TRIM24: variants seen among roughly 807,000 people sequenced by gnomAD.
TRIM24 encodes the protein tripartite motif containing 24.
In TRIM24, 29 loss-of-function variants were observed where a neutral mutation model predicts 123.9. The observed-to-expected ratio is 0.23, with a 90% CI of 0.17 to 0.32. The LOEUF is 0.32. Among genes scored for constraint, TRIM24 ranks in the 10% least tolerant of loss-of-function variants. The probability of loss-of-function intolerance (pLI) is 1.00; values close to 1 mark genes in which losing one functional copy is unlikely to be tolerated. For missense variants in TRIM24, 932 were observed against 1,295.3 expected (o/e 0.72, Z 4.31); for synonymous variants, 456 against 461.1 (o/e 0.99, Z 0.14).
chr7:138,577,383 T>G (rs1232201626), intron 13 of TRIM24, 37 bp from the exon 14 acceptor site: 5 of 1,464,258 alleles, frequency 3.4e-6, no homozygotes, highest in Non-Finnish European at 4.5e-6. Context: ...TAGCTTAACA[T>G]TCTTAGATTG....
intron 2 of TRIM24, among the ~76,000 whole-genome samples, chr7:138,508,688 TGTGTGCGCGCGC>T (rs1358519930): frequency 8.5e-4 from 78 of 91,638 alleles, no homozygotes; most frequent in Admixed American, 7.2e-3. Flanking sequence ...TGTGTGTGTG[TGTGTGCGCGCGC>T]GTGTGTGCGT....
chr7:138,469,864 A>G (rs1795232272), intron 1 of TRIM24, among the ~76,000 whole-genome samples: 1 of 152,162 alleles, frequency 6.6e-6, no homozygotes, highest in Non-Finnish European at 1.5e-5. Context: ...ATCCTGAGAG[A>G]AGGGATTAAG....
chr7:138,532,399 G>A lies in TRIM24; in HGVS notation c.996+3169G>A, dbSNP rs191518551. 9.2e-5 allele frequency among the ~76,000 whole-genome samples: 14 copies of A among 152,274 alleles called. No homozygotes were observed. In the East Asian group the frequency reaches 2.3e-3, roughly 25 times the overall value. ...TCTTGAATTAATTTTTGTATCAGGT[G>A]TAAGGAAGGGATCCAGTTTCAGCTT... On this transcript the variant is annotated intron_variant, in intron 6 of 18. Coordinates refer to ENST00000343526, the MANE Select transcript of TRIM24 (RefSeq NM_015905.3).
chr7:138,569,369 CT>C (rs71728333), intron 10 of TRIM24, among the ~76,000 whole-genome samples: 2,714 of 152,166 alleles, frequency 0.018, 71 homozygotes, highest in African/African-American at 0.061. Flanking sequence ...TGGGAAATTG[CT>C]TTTAAGTAGT....
intron 1 of TRIM24, among the ~76,000 whole-genome samples, chr7:138,489,681 C>A (rs1360472586): frequency 6.6e-6 from 1 of 152,192 alleles, no homozygotes; most frequent in Non-Finnish European, 1.5e-5. Context: ...TTGGCCCTCA[C>A]TCTCTTGGCT....
At chr7:138,465,140 T>G (rs996421124) in intron 1 of TRIM24, among the ~76,000 whole-genome samples, 2 of 152,344 alleles carry the variant, frequency 1.3e-5, no homozygotes, top group East Asian at 3.9e-4. Context: ...CAGATACAAT[T>G]ACACTGGCCA....
intron 7 of TRIM24, among the ~76,000 whole-genome samples, chr7:138,541,252 C>T (rs1035887284): frequency 6.6e-6 from 1 of 151,884 alleles, no homozygotes; most frequent in Non-Finnish European, 1.5e-5. Flanking sequence ...AGTTCGAGAC[C>T]ACCCTGCGCC....
chr7:138,462,337 TC>T (rs143922989), intron 1 of TRIM24, among the ~76,000 whole-genome samples: 6 of 146,704 alleles, frequency 4.1e-5, no homozygotes, highest in Non-Finnish European at 9.1e-5. Flanking sequence ...AGTGCAAAAA[TC>T]TTTTTTTTTT....
At chr7:138,581,839 T>C (rs1158441707) in intron 17 of TRIM24, 68 bp downstream of exon 17, 1 of 1,196,884 alleles carries the variant, frequency 8.4e-7, no homozygotes, top group Admixed American at 2.0e-5. Context: ...TATGAGAATC[T>C]AGCTTATATT....
In TRIM24 at chr7:138,544,267, C is replaced by T. The variant is rs572453583; in HGVS notation, c.1143+5464C>T. On this transcript the variant is annotated intron_variant, in intron 7 of 18. Transcript: ENST00000343526. ...TATTCCATGTATAAGTGAGATTATA[C>T]AGTATTTTCATTTCTGGATCTGGCT... 2.6e-5 allele frequency among the ~76,000 whole-genome samples: 4 copies of T among 152,274 alleles called. No individual in the cohort carries two copies. In the East Asian group the frequency reaches 7.7e-4, roughly 29 times the overall value.
At chr7:138,531,141 A>G (rs555436047) in intron 6 of TRIM24, among the ~76,000 whole-genome samples, 1 of 150,974 alleles carries the variant, frequency 6.6e-6, no homozygotes, top group African/African-American at 2.5e-5. Flanking sequence ...TATTATTATT[A>G]TACTTTAAGT....
At chr7:138,463,360 G>T (rs1042402615) in intron 1 of TRIM24, among the ~76,000 whole-genome samples, 2 of 151,898 alleles carry the variant, frequency 1.3e-5, no homozygotes, top group African/African-American at 4.8e-5. Context: ...TGGTTCAAGC[G>T]ATTCTTGTGC....
rs1554429651 is a variant in TRIM24 at position 138,463,989 on chromosome 7, C to CATTTTT, written c.364+3077_364+3078insATTTTT. On this transcript the variant is annotated intron_variant, in intron 1 of 18. Coordinates refer to ENST00000343526, the MANE Select transcript of TRIM24 (RefSeq NM_015905.3). The stretch of plus-strand genomic sequence containing the variant: ...ATACTAGCTGAAGCAAAAATTTAGA[C>CATTTTT]TTTTTTTTTTTTTTTTTTTTTTTGA... Among the ~76,000 whole-genome samples the CATTTTT allele has an allele frequency of 8.3e-4, 42 of 50,762 alleles. 2 individuals carry two copies. Among genetic ancestry groups the CATTTTT allele is most frequent in the African/African-American group, 3.4e-3 (41 of 12,212 alleles). 33.3% of individuals were successfully genotyped at this position (50,762 alleles called of 152,430 possible).
intron 6 of TRIM24, among the ~76,000 whole-genome samples, chr7:138,536,151 A>G (rs931236324): frequency 6.6e-6 from 1 of 152,124 alleles, no homozygotes; most frequent in Non-Finnish European, 1.5e-5. Flanking sequence ...CTTCTTTGCA[A>G]TGGGTTCAAA....
intron 2 of TRIM24, among the ~76,000 whole-genome samples, chr7:138,506,233 C>CA (rs2116532957): frequency 6.6e-6 from 1 of 152,352 alleles, no homozygotes; most frequent in East Asian, 1.9e-4. Context: ...CCAAAACAGA[C>CA]ACGCTTGCTG....
In TRIM24 at chr7:138,466,811, G is replaced by T. The variant is rs1305659363; in HGVS notation, c.364+5899G>T. Among the ~76,000 whole-genome samples, 2 of 151,966 alleles carry T rather than the reference G, an allele frequency of 1.3e-5. 1 individual carries two copies. Among genetic ancestry groups the T allele is most frequent in the South Asian group, 4.1e-4 (2 of 4,826 alleles). On this transcript the variant is annotated intron_variant, in intron 1 of 18. Transcript: ENST00000343526. ...AAGGTTTAAATTTTGATTAAGTCTG[G>T]TTTATCAATTTATTTTATGGTTAAT...
intron 1 of TRIM24, among the ~76,000 whole-genome samples, chr7:138,493,297 A>T (rs1264246334): frequency 6.6e-6 from 1 of 152,128 alleles, no homozygotes; most frequent in Non-Finnish European, 1.5e-5. Flanking sequence ...ATGTGCTATG[A>T]TTTATAATTC....
chr7:138,520,201 G>C (rs1796478118), intron 4 of TRIM24, among the ~76,000 whole-genome samples: 1 of 152,210 alleles, frequency 6.6e-6, no homozygotes, highest in South Asian at 2.1e-4. Context: ...ACAGCTTAGA[G>C]TGCAAGGATC....
At chr7:138,500,075 C>T (rs1796002649) in intron 1 of TRIM24, among the ~76,000 whole-genome samples, 1 of 152,112 alleles carries the variant, frequency 6.6e-6, no homozygotes, top group South Asian at 2.1e-4. Context: ...TAATAAGAGA[C>T]TTTAAATCCA....
Sources: allele counts gnomAD v4.1 joint callset (sites outside exome capture counted in the v4.1 genomes callset), GRCh38; gene constraint gnomAD v4.1.1; transcripts MANE v1.5; gene names NCBI Gene and HGNC (gene_info 2026-07-23, HGNC 2026-07-21).